RARB: variants seen among roughly 807,000 people sequenced by gnomAD.
RARB encodes retinoic acid receptor beta, also known as HBV-activated protein.
In RARB, 17 loss-of-function variants were observed where a neutral mutation model predicts 51.9. That is an observed-to-expected ratio of 0.33 (90% CI 0.22 to 0.49). RARB has a LOEUF of 0.49. RARB is among the 20% of genes least tolerant of loss of function. RARB has a pLI of 0.99. For missense variants in RARB, 369 were observed against 550.8 expected (o/e 0.67, Z 3.30); for synonymous variants, 215 against 195.4 (o/e 1.10, Z -0.84).
At chr3:25,437,584 T>C (rs1708487997) in intron 1 of RARB, among the ~76,000 whole-genome samples, 1 of 151,886 alleles carries the variant, frequency 6.6e-6, no homozygotes, top group Non-Finnish European at 1.5e-5. Context: ...AACCCAAAAA[T>C]CTCCCCATGT....
At chr3:25,384,014 T>C (rs1706713802) in intron 5 of RARB, among the ~76,000 whole-genome samples, 1 of 152,226 alleles carries the variant, frequency 6.6e-6, no homozygotes, top group South Asian at 2.1e-4. Flanking sequence ...GTAAGATCAT[T>C]TTTTAGTTGG....
intron 2 of RARB, among the ~76,000 whole-genome samples, chr3:25,479,802 C>T (rs955607266): frequency 6.6e-6 from 1 of 152,180 alleles, no homozygotes; most frequent in Non-Finnish European, 1.5e-5. Flanking sequence ...AACCCCTCTT[C>T]TACTGGATGT....
intron 4 of RARB, among the ~76,000 whole-genome samples, chr3:25,157,666 G>A (rs1700402012): frequency 6.6e-6 from 1 of 152,072 alleles, no homozygotes; most frequent in African/African-American, 2.4e-5. Context: ...CAAAGTGCTG[G>A]GATTACAGGT....
rs570641479 is a variant in RARB at position 25,221,535 on chromosome 3, A to G, written c.178+46960A>G. On this transcript the variant is annotated intron_variant, in intron 5 of 11. Coordinates refer to the RARB transcript ENST00000383772. The stretch of plus-strand genomic sequence containing the variant: ...GTTTTTCTCGCTTTCCTAGACTGAT[A>G]CAAGTACTGTCAAAATTCTGCACTA... Among the ~76,000 whole-genome samples, 4 of 152,318 alleles carry G rather than the reference A, an allele frequency of 2.6e-5. No individual in the cohort carries two copies. The South Asian group carries it at 8.3e-4, about 32-fold the overall frequency.
chr3:25,368,305 C>G (rs1229758118), intron 5 of RARB, among the ~76,000 whole-genome samples: 2 of 152,052 alleles, frequency 1.3e-5, no homozygotes, highest in Non-Finnish European at 2.9e-5. Flanking sequence ...TATTTTTTCT[C>G]TTGAATTTTA....
chr3:25,356,527 T>A (rs1186844500), intron 5 of RARB, among the ~76,000 whole-genome samples: 1 of 151,784 alleles, frequency 6.6e-6, no homozygotes, highest in Admixed American at 6.6e-5. Flanking sequence ...TCTTTTTTTT[T>A]ATTATACTTT....
chr3:25,536,890 A>G (rs1348228999), intron 3 of RARB, among the ~76,000 whole-genome samples: 1 of 152,194 alleles, frequency 6.6e-6, no homozygotes, highest in Admixed American at 6.5e-5. Flanking sequence ...GGAGTTTTCC[A>G]GTGAAATTTG....
At chr3:25,595,726 TTTTA>T (rs1701792508) in intron 7 of RARB, among the ~76,000 whole-genome samples, 1 of 152,182 alleles carries the variant, frequency 6.6e-6, no homozygotes, top group South Asian at 2.1e-4. Context: ...GTTTTTCTCA[TTTTA>T]TTTAACAAAT....
At position 25,459,551 on chromosome 3, in the gene RARB, A is replaced by G. The variant is rs138261993; in HGVS notation, c.158-1642A>G. 2.4e-4 allele frequency among the ~76,000 whole-genome samples: 36 copies of G among 152,334 alleles called. No homozygotes were observed. The East Asian group carries it at 6.4e-3, about 27-fold the overall frequency. On this transcript the variant is annotated intron_variant, in intron 1 of 7. Transcript: ENST00000330688. ...ACTATCTTGACTGCTTGTTTGAAGA[A>G]TAGACACTAGGTAGGAAGAAGGGGC...
intron 3 of RARB, among the ~76,000 whole-genome samples, chr3:25,110,710 C>G (rs1244020531): frequency 2.0e-5 from 3 of 152,086 alleles, no homozygotes; most frequent in Non-Finnish European, 4.4e-5. Context: ...TATTAAATTT[C>G]AAAATCTCAG....
At chr3:24,941,572 G>T (rs780333856) in intron 2 of RARB, among the ~76,000 whole-genome samples, 7 of 152,046 alleles carry the variant, frequency 4.6e-5, no homozygotes, top group Non-Finnish European at 1.0e-4. Context: ...GTTTCCCCAC[G>T]TTGGCCAGGT....
At chr3:24,859,461 C>T (rs1012072036) in intron 2 of RARB, among the ~76,000 whole-genome samples, 1 of 152,140 alleles carries the variant, frequency 6.6e-6, no homozygotes, top group African/African-American at 2.4e-5. Flanking sequence ...ATTGTACTCA[C>T]CTGGAAGTTA....
At chr3:24,854,814 C>A (rs558354817) in intron 1 of RARB, among the ~76,000 whole-genome samples, 86 of 152,282 alleles carry the variant, frequency 5.6e-4, no homozygotes, top group Non-Finnish European at 8.4e-4. Flanking sequence ...GAAATGTTCC[C>A]TGGGGGCAAA....
At position 25,418,676 on chromosome 3, in the gene RARB, G is replaced by C. The variant is rs557823845; in HGVS notation, c.179-42517G>C. Reference sequence around the variant, plus strand: ...GACCATGACAACAGCTATAGGAGAAGAGAGATTGGACTAACTCTCACTCCA... The same window carrying C: ...GACCATGACAACAGCTATAGGAGAACAGAGATTGGACTAACTCTCACTCCA... On this transcript the variant is annotated intron_variant, in intron 5 of 11. Transcript: ENST00000383772. Among the ~76,000 whole-genome samples, 13 of 152,208 alleles carry C rather than the reference G, an allele frequency of 8.5e-5. No individual in the cohort carries two copies. In the South Asian group the frequency reaches 1.5e-3, roughly 17 times the overall value.
At chr3:25,338,972 C>G (rs1254501817) in intron 5 of RARB, among the ~76,000 whole-genome samples, 1 of 152,110 alleles carries the variant, frequency 6.6e-6, no homozygotes, top group Non-Finnish European at 1.5e-5. Flanking sequence ...GTAGTGCTCA[C>G]TACTTTCCAT....
chr3:25,149,639 T>C (rs1479071042), intron 4 of RARB, among the ~76,000 whole-genome samples: 2 of 152,170 alleles, frequency 1.3e-5, no homozygotes, highest in East Asian at 3.9e-4. Flanking sequence ...TTTCTTTCTG[T>C]CTCCCACTCA....
intron 3 of RARB, among the ~76,000 whole-genome samples, chr3:25,531,787 A>C (rs900373555): frequency 4.6e-5 from 7 of 151,768 alleles, no homozygotes; most frequent in African/African-American, 1.7e-4. Flanking sequence ...ATTTTGTGTC[A>C]GAATTCTTTT....
intron 2 of RARB, among the ~76,000 whole-genome samples, chr3:25,005,934 C>T (rs571811359): frequency 6.6e-6 from 1 of 152,108 alleles, no homozygotes; most frequent in Non-Finnish European, 1.5e-5. Flanking sequence ...ACTTCATCTC[C>T]TCTCTTTGCC....
chr3:25,150,794 T>G (rs1700274608), intron 4 of RARB, among the ~76,000 whole-genome samples: 1 of 152,200 alleles, frequency 6.6e-6, no homozygotes, highest in Non-Finnish European at 1.5e-5. Flanking sequence ...GAATCCAGCC[T>G]TCTAGTAGTT....
Sources: allele counts gnomAD v4.1 joint callset (sites outside exome capture counted in the v4.1 genomes callset), GRCh38; gene constraint gnomAD v4.1.1; transcripts MANE v1.5; gene names NCBI Gene and HGNC (gene_info 2026-07-23, HGNC 2026-07-21).